ABL1: variants seen among roughly 807,000 people sequenced by gnomAD.
ABL1 encodes the protein ABL proto-oncogene 1, non-receptor tyrosine kinase, also known as tyrosine-protein kinase ABL1.
A neutral mutation model predicts 94.7 loss-of-function variants in ABL1; 11 were observed. The observed-to-expected ratio is 0.12, with a 90% CI of 0.07 to 0.19. The LOEUF (loss-of-function observed/expected upper bound fraction) is 0.19, where lower values mean the gene tolerates loss of function less well. Among genes scored for constraint, ABL1 ranks in the 10% least tolerant of loss-of-function variants. ABL1 has a pLI of 1.00. For synonymous variants in ABL1, 656 were observed against 622.4 expected (o/e 1.05, Z -0.80); for missense variants, 1,082 against 1,489.4 (o/e 0.73, Z 4.50).
intron 1 of ABL1, among the ~76,000 whole-genome samples, chr9:130,727,763 C>CCCCA (rs1491522038): frequency 1.0e-4 from 12 of 114,396 alleles, no homozygotes; most frequent in African/African-American, 4.0e-4. Context: ...CCCCCCCCCC[C>CCCCA]AAAAAAAAGC....
At chr9:130,757,536 CTTTT>C (rs11411714) in intron 1 of ABL1, among the ~76,000 whole-genome samples, 1 of 101,886 alleles carries the variant, frequency 9.8e-6, no homozygotes. Flanking sequence ...TACTCCAGGC[CTTTT>C]TTTTTTTTTT....
At chr9:130,832,357 T>C (rs559561891), upstream of ABL1, among the ~76,000 whole-genome samples, 1 of 152,198 alleles carries the variant, frequency 6.6e-6, no homozygotes, top group East Asian at 1.9e-4. Context: ...TAAATAGCTC[T>C]AGTTCCCTGA....
chr9:130,817,347 G>T (rs1292200346), intron 1 of ABL1, among the ~76,000 whole-genome samples: 1 of 152,138 alleles, frequency 6.6e-6, no homozygotes, highest in Non-Finnish European at 1.5e-5. Context: ...ATTTGCCCTG[G>T]CATGCTTATA....
rs1260032226 is a variant in ABL1, at chr9:130,887,464, G to GT, written c.*1782dup. ...CGTGATGTGCCACTATATTTTACAC[G>GT]TATCTCTTGGTATGCATCTTTTATA... On this transcript the variant is annotated 3_prime_UTR_variant, in exon 11 of 11. Transcript: ENST00000318560. 6 of 233,142 alleles carry GT rather than the reference G, an allele frequency of 2.6e-5. No individual in the cohort carries two copies. Among genetic ancestry groups the GT allele is most frequent in the East Asian group, 1.8e-4 (3 of 16,580 alleles). The allele number at this position is 233,142 out of a possible 1,614,324, so 14.4% of individuals were successfully genotyped here. A position where few individuals can be genotyped will look rare whatever the true frequency, so the allele number is the denominator to read the frequency against.
chr9:130,854,637 G>A lies in ABL1; in HGVS notation c.254-164G>A, dbSNP rs987261935. Among the ~76,000 whole-genome samples the A allele has an allele frequency of 6.6e-5, 10 of 152,176 alleles. No homozygotes were observed. The South Asian group carries it at 1.0e-3, about 16-fold the overall frequency. Reference sequence around the variant, plus strand: ...CAAACAGGAAGCTTCAAATGTAAACGTGAATTCTCATACACTTATAAATGC... The same window carrying A: ...CAAACAGGAAGCTTCAAATGTAAACATGAATTCTCATACACTTATAAATGC... On this transcript the variant is annotated intron_variant, in intron 2 of 10. Transcript: ENST00000318560.
At chr9:130,850,178 G>A (rs1358192562) in intron 1 of ABL1, among the ~76,000 whole-genome samples, 7 of 152,236 alleles carry the variant, frequency 4.6e-5, no homozygotes, top group African/African-American at 1.7e-4. Flanking sequence ...TATAGCTGTT[G>A]TTGTAATTAC....
At chr9:130,852,847 A>G (rs772372871) in intron 1 of ABL1, among the ~76,000 whole-genome samples, 2 of 152,192 alleles carry the variant, frequency 1.3e-5, no homozygotes, top group Non-Finnish European at 2.9e-5. Context: ...ATTCTGTAAT[A>G]ATAATTGCCA....
intron 1 of ABL1, among the ~76,000 whole-genome samples, chr9:130,798,966 CAA>C (rs71389357): frequency 2.5e-4 from 17 of 66,796 alleles, no homozygotes; most frequent in Admixed American, 3.5e-4. Context: ...GACTCCGTCT[CAA>C]AAAAAAAAAA....
rs1831555421 is a variant in ABL1 at position 130,724,627 on chromosome 9, T to C, written c.136+10172T>C. 2.0e-5 allele frequency among the ~76,000 whole-genome samples: 3 copies of C among 151,510 alleles called. No homozygotes were observed. In the South Asian group the frequency reaches 6.3e-4, roughly 32 times the overall value. ...GAGTTTGAGACCAGCCTGGCCAACA[T>C]GGTGAAAACCCATCTTTACTTAAAA... On this transcript the variant is annotated intron_variant, in intron 1 of 10. Transcript: ENST00000372348.
intron 1 of ABL1, among the ~76,000 whole-genome samples, chr9:130,823,753 G>A (rs2132881543): frequency 1.3e-5 from 2 of 152,322 alleles, no homozygotes; most frequent in South Asian, 4.1e-4. Context: ...CCACAAGAGA[G>A]ACTGGGAAAT....
At chr9:130,728,230 A>ACTTTTTTTTTTTTTTTT (rs1831614212) in intron 1 of ABL1, among the ~76,000 whole-genome samples, 1 of 102,636 alleles carries the variant, frequency 9.7e-6, no homozygotes, top group African/African-American at 5.3e-5. Flanking sequence ...TGTCCAGCTG[A>ACTTTTTTTTTTTTTTTT]TTTTTTTTTT....
At position 130,880,468 on chromosome 9, in the gene ABL1, G is replaced by T. The variant is rs749011647; in HGVS notation, c.1514-32G>T. ...CCAACACCAGTACTGATGGCTGCTG[G>T]ATTTTTGTTTCTGTCCCTGTATGAT... On this transcript the variant is annotated intron_variant, in intron 9 of 10. Coordinates refer to ENST00000318560, the MANE Select transcript of ABL1 (RefSeq NM_005157.6). The surrounding 1 kb of genome is among the most constrained non-coding windows in gnomAD (Gnocchi z 4.4). The T allele has an allele frequency of 1.1e-5, 17 of 1,612,738 alleles. No individual in the cohort carries two copies. The African/African-American group carries it at 2.0e-4, about 19-fold the overall frequency.
chr9:130,743,393 G>A (rs1831844619), intron 1 of ABL1, among the ~76,000 whole-genome samples: 1 of 152,146 alleles, frequency 6.6e-6, no homozygotes, highest in African/African-American at 2.4e-5. Context: ...TTTTAATAGT[G>A]CTTGGGGGAG....
At chr9:130,751,812 A>G (rs1198022375) in intron 1 of ABL1, among the ~76,000 whole-genome samples, 1 of 152,240 alleles carries the variant, frequency 6.6e-6, no homozygotes, top group Non-Finnish European at 1.5e-5. Flanking sequence ...CAACGGCAGA[A>G]GCAACAGATG....
intron 1 of ABL1, among the ~76,000 whole-genome samples, chr9:130,845,111 A>G (rs1000568199): frequency 1.3e-5 from 2 of 152,062 alleles, no homozygotes; most frequent in African/African-American, 2.4e-5. Flanking sequence ...AAATTATGCA[A>G]TTTTCTTTTA....
At chr9:130,757,832 C>T (rs774250566) in intron 1 of ABL1, among the ~76,000 whole-genome samples, 6 of 151,620 alleles carry the variant, frequency 4.0e-5, no homozygotes, top group Admixed American at 6.6e-5. Flanking sequence ...TGAGCCACTG[C>T]GCCCGGCCAG....
At chr9:130,879,781 C>T (rs1400563196) in intron 8 of ABL1, among the ~76,000 whole-genome samples, 10 of 152,210 alleles carry the variant, frequency 6.6e-5, no homozygotes, top group Admixed American at 5.9e-4. Flanking sequence ...TAATTTTCTA[C>T]ACCTACTAGA....
chr9:130,717,332 C>T (rs1221390092), intron 1 of ABL1, among the ~76,000 whole-genome samples: 1 of 152,076 alleles, frequency 6.6e-6, no homozygotes, highest in Non-Finnish European at 1.5e-5. Context: ...TGTGAGCCAC[C>T]GTGCCCAGCC....
Position 130,862,941 on chromosome 9 carries a change from C to T in ABL1, c.728C>T (p.Thr243Ile). 1 of 1,614,194 alleles carries T rather than the reference C, an allele frequency of 6.2e-7. No homozygotes were observed. The highest frequency in any genetic ancestry group is 8.5e-7 in the Non-Finnish European group (1 of 1,180,040). ...DKWEMERTDI[T>I]MKHKLGGGQY... The stretch of plus-strand genomic sequence containing the variant: ...TGGGAGATGGAACGCACGGACATCA[C>T]CATGAAGCACAAGCTGGGCGGGGGC... Residue 243 changes from threonine to isoleucine, a missense_variant, in exon 4 of 11, where the codon ACC (threonine) becomes ATC (isoleucine). Coordinates refer to ENST00000318560, the MANE Select transcript of ABL1 (RefSeq NM_005157.6). This position sits in a 1 kb window ranked among gnomAD's most constrained non-coding sequence, Gnocchi z 5.5.
Sources: allele counts gnomAD v4.1 joint callset (sites outside exome capture counted in the v4.1 genomes callset), GRCh38; gene constraint gnomAD v4.1.1; non-coding constraint Gnocchi (gnomAD v3.1); transcripts MANE v1.5; gene names NCBI Gene and HGNC (gene_info 2026-07-23, HGNC 2026-07-21).